GRAMD1C: variants seen among roughly 807,000 people sequenced by gnomAD.
The protein encoded by GRAMD1C is GRAM domain containing 1C, also known as protein Aster-C.
In GRAMD1C, 89 loss-of-function variants were observed where a neutral mutation model predicts 97.8. The observed-to-expected ratio is 0.91, with a 90% CI of 0.77 to 1.09. The LOEUF (loss-of-function observed/expected upper bound fraction) is 1.09, where lower values mean the gene tolerates loss of function less well. Ranked by LOEUF, GRAMD1C falls within the 50% of genes least tolerant of loss-of-function variation. GRAMD1C has a pLI of 0.00. For missense variants in GRAMD1C, 740 were observed against 766.4 expected, an observed-to-expected ratio of 0.97 and a Z score of 0.41; for synonymous variants, 256 against 267.0, an observed-to-expected ratio of 0.96 and a Z score of 0.40.
intron 6 of GRAMD1C, among the ~76,000 whole-genome samples, chr3:113,896,340 T>C (rs1441060383): frequency 6.6e-6 from 1 of 152,208 alleles, no homozygotes; most frequent in African/African-American, 2.4e-5. Context: ...ACCTTTCTGG[T>C]ATTTCCCTGA....
chr3:113,920,292 G>C (rs539309377), intron 10 of GRAMD1C: 26 of 505,344 alleles, frequency 5.1e-5, no homozygotes, highest in African/African-American at 5.1e-4. Flanking sequence ...CTGTAGAGGG[G>C]AGAAAGAGCA....
chr3:113,862,759 G>T (rs565454618), intron 2 of GRAMD1C, among the ~76,000 whole-genome samples: 1 of 152,258 alleles, frequency 6.6e-6, no homozygotes, highest in African/African-American at 2.4e-5. Flanking sequence ...AAAGACAGGT[G>T]TAAGAAATTA....
At chr3:113,879,923 A>G (rs1935197534) in intron 5 of GRAMD1C, among the ~76,000 whole-genome samples, 2 of 151,978 alleles carry the variant, frequency 1.3e-5, no homozygotes, top group Admixed American at 6.6e-5. Context: ...TGAACTCCTG[A>G]GCTCAGGTGA....
rs1559795559 is a variant in GRAMD1C, at chr3:113,887,079, C to CTTTTTTTT, written c.540+4252_540+4253insTTTTTTTT. On this transcript the variant is annotated intron_variant, in intron 6 of 17. Transcript: ENST00000358160. ...ACAGGCATGAGCCACTGCGCCTGGC[C>CTTTTTTTT]TTTTTGTTTTTTTTTTGTTTTTTTT... Among the ~76,000 whole-genome samples the CTTTTTTTT allele has an allele frequency of 2.1e-5, 2 of 97,506 alleles. 1 individual carries two copies. The highest frequency in any genetic ancestry group is 4.1e-5 in the Non-Finnish European group (2 of 48,774). The allele number at this position is 97,506 out of a possible 152,430, so 64.0% of individuals were successfully genotyped here.
chr3:113,842,766 C>T (rs775225323), intron 1 of GRAMD1C, among the ~76,000 whole-genome samples: 12 of 151,970 alleles, frequency 7.9e-5, no homozygotes, highest in Non-Finnish European at 1.5e-4. Context: ...AGTTTGTGAC[C>T]AGCCTGGCCA....
rs1937512893 is a variant in GRAMD1C at position 113,933,445 on chromosome 3, T to C, written c.1210-66T>C. On this transcript the variant is annotated intron_variant, in intron 11 of 17. Transcript: ENST00000358160. ...AGAAGGAATACTAATATACATGTTC[T>C]AAATTGGCAAGAAGATTCATATATT... 5.2e-6 allele frequency: 6 copies of C among 1,151,600 alleles called. No homozygotes were observed. In the Middle Eastern group the frequency reaches 6.0e-4, roughly 114 times the overall value. 71.3% of individuals were successfully genotyped at this position (1,151,600 alleles called of 1,614,324 possible). A position where few individuals can be genotyped will look rare whatever the true frequency, so the allele number is the denominator to read the frequency against.
chr3:113,938,017 A>C (rs1937614143), intron 14 of GRAMD1C, 69 bp from the exon 15 acceptor site: 1 of 861,396 alleles, frequency 1.2e-6, no homozygotes, highest in South Asian at 1.6e-5. Flanking sequence ...AAAAAAAAAA[A>C]AAAAAAAATT....
intron 1 of GRAMD1C, among the ~76,000 whole-genome samples, chr3:113,839,692 C>T (rs1023504435): frequency 6.6e-6 from 1 of 152,178 alleles, no homozygotes. Flanking sequence ...GTCACTGATT[C>T]AGTTATGTCC....
In GRAMD1C at chr3:113,875,579, G is replaced by A. The variant is rs756974813; in HGVS notation, c.355G>A (p.Glu119Lys). ...TTTCTATAGCAACATCTTCAGATGG[G>A]AAACTACAGTAAGACATTTTGCATT... Reference protein sequence around the residue: ...LCFYSNIFRWETTISIALKNI... With the variant: ...LCFYSNIFRWKTTISIALKNI... Residue 119 changes from glutamate (E) to lysine (K), a missense_variant, in exon 4 of 18, where the codon GAA (glutamate) becomes AAA (lysine). Glu to Lys is a moderately conservative substitution (Grantham distance 56). Transcript: ENST00000358160. 1.5e-6 allele frequency: 2 copies of A among 1,337,562 alleles called. No homozygotes were observed. The highest frequency in any genetic ancestry group is 1.1e-6 in the Non-Finnish European group (1 of 926,180). 82.9% of individuals were successfully genotyped at this position (1,337,562 alleles called of 1,614,324 possible). A position where few individuals can be genotyped will look rare whatever the true frequency, so the allele number is the denominator to read the frequency against.
upstream of GRAMD1C, chr3:113,838,707 G>A (rs1399880132): frequency 8.1e-6 from 3 of 372,194 alleles, no homozygotes; most frequent in Non-Finnish European, 1.4e-5. Flanking sequence ...AGAAAGACAA[G>A]CCTTCAGGCT....
intron 5 of GRAMD1C, among the ~76,000 whole-genome samples, chr3:113,877,767 G>A (rs575340191): frequency 6.6e-6 from 1 of 151,540 alleles, no homozygotes; most frequent in Non-Finnish European, 1.5e-5. Context: ...GTAGTAATAA[G>A]TATTTTGGGG....
At chr3:113,887,091 T>TTTG (rs1935529330) in intron 6 of GRAMD1C, among the ~76,000 whole-genome samples, 1 of 115,750 alleles carries the variant, frequency 8.6e-6, no homozygotes, top group African/African-American at 3.3e-5. Context: ...TTTTGTTTTT[T>TTTG]TTTTGTTTTT....
chr3:113,876,258 A>C lies in GRAMD1C; in HGVS notation c.457A>C (p.Lys153Gln). ...NAIQIVTESE[K>Q]FFFTSFGARD... The stretch of plus-strand genomic sequence containing the variant: ...TATCCAGATAGTTACAGAAAGTGAA[A>C]AGGTGAAAACTTTCCTATCTTTGTT... The change falls in exon 5 of 18, where the codon AAG (lysine) becomes CAG (glutamine). Residue 153 changes from lysine to glutamine, a missense_variant and splice_region_variant. Lys to Gln is a moderately conservative substitution (Grantham distance 53, BLOSUM62 1). Transcript: ENST00000358160. 2.0e-6 allele frequency: 3 copies of C among 1,537,902 alleles called. No individual in the cohort carries two copies. The highest frequency in any genetic ancestry group is 2.7e-6 in the Non-Finnish European group (3 of 1,112,622).
In GRAMD1C at chr3:113,869,535, A is replaced by G; in HGVS notation, c.203A>G (p.Asn68Ser). ...TCAAGTTCCACCTATAAAGACAGGA[A>G]TGAGGAATACAGAAGACAGTTCACA... ...WISSSTYKDRNEEYRRQFTHL... is the reference protein window; with the variant it reads ...WISSSTYKDRSEEYRRQFTHL... Residue 68 changes from asparagine to serine, a missense_variant, in exon 3 of 18, where the codon AAT (asparagine) becomes AGT (serine). Coordinates refer to ENST00000358160, the MANE Select transcript of GRAMD1C (RefSeq NM_017577.5). 2 of 1,534,632 alleles carry G rather than the reference A, an allele frequency of 1.3e-6. No individual in the cohort carries two copies. Among genetic ancestry groups the G allele is most frequent in the Non-Finnish European group, 8.9e-7 (1 of 1,117,430 alleles).
intron 10 of GRAMD1C, among the ~76,000 whole-genome samples, chr3:113,926,432 C>G (rs1226775501): frequency 6.6e-6 from 1 of 151,838 alleles, no homozygotes; most frequent in Non-Finnish European, 1.5e-5. Context: ...TTTTTGTATT[C>G]CTTAGATTTC....
intron 2 of GRAMD1C, among the ~76,000 whole-genome samples, chr3:113,849,032 T>C (rs1226417286): frequency 6.6e-6 from 1 of 152,084 alleles, no homozygotes; most frequent in African/African-American, 2.4e-5. Context: ...ACTTACTTTC[T>C]TCTTGGCTAG....
At chr3:113,925,535 C>T (rs1227077945) in intron 10 of GRAMD1C, among the ~76,000 whole-genome samples, 1 of 152,134 alleles carries the variant, frequency 6.6e-6, no homozygotes, top group East Asian at 1.9e-4. Context: ...CTTATTTATC[C>T]AACTTTCCAC....
intron 14 of GRAMD1C, 24 bp downstream of exon 14, chr3:113,936,466 G>T: frequency 1.3e-6 from 2 of 1,500,956 alleles, no homozygotes; most frequent in Non-Finnish European, 1.8e-6. Context: ...GGTAAACAGA[G>T]ATGAAAGATT....
In GRAMD1C at chr3:113,934,487, A is replaced by G. The variant is rs1937539829; in HGVS notation, c.1408A>G (p.Ile470Val). 6.3e-7 allele frequency: 1 copy of G among 1,591,304 alleles called. No individual in the cohort carries two copies. The highest frequency in any genetic ancestry group is 1.3e-5 in the African/African-American group (1 of 74,144). Residue 470 changes from isoleucine to valine, a missense_variant, in exon 13 of 18, where the codon ATT becomes GTT. By Grantham distance (29) the Ile-to-Val change is conservative. Transcript: ENST00000358160. ...KQPWGLVKSL[I>V]EKNSWSSLED... Reference sequence around the variant, plus strand: ...GCCATGGGGCCTTGTCAAATCTTTAATTGAAAAGAATTCCTGGAGTTCTTT... The same window carrying G: ...GCCATGGGGCCTTGTCAAATCTTTAGTTGAAAAGAATTCCTGGAGTTCTTT...
Sources: gnomAD v4.1 joint callset for allele counts (sites outside exome capture counted in the v4.1 genomes callset) on GRCh38, gnomAD v4.1.1 for gene constraint, MANE v1.5 for transcripts, NCBI Gene and HGNC (gene_info 2026-07-23, HGNC 2026-07-21) for gene names.